The following NEURL1 variants were observed in gnomAD, a reference collection of about 807,000 sequenced individuals.
NEURL1 encodes E3 ubiquitin-protein ligase NEURL1.
NEURL1 carries 26 observed loss-of-function variants against 41.2 expected under a neutral mutation model. The ratio of observed to expected loss-of-function variants is 0.63; its 90% CI spans 0.46 to 0.87. The LOEUF (loss-of-function observed/expected upper bound fraction) is 0.87, where lower values mean the gene tolerates loss of function less well. NEURL1 is among the 40% of genes least tolerant of loss of function. NEURL1 has a pLI of 0.00. For missense variants in NEURL1, 761 were observed against 871.1 expected (o/e 0.87, Z 1.59); for synonymous variants, 400 against 402.3 (o/e 0.99, Z 0.07).
At chr10:103,555,426 G>T (rs1421178732) in intron 1 of NEURL1, 1 of 1,355,608 alleles carries the variant, frequency 7.4e-7, no homozygotes, top group Non-Finnish European at 9.8e-7. Context: ...AAGGCCCCGC[G>T]GATGCCTGCG....
chr10:103,550,157 T>C (rs2035004152), intron 1 of NEURL1, among the ~76,000 whole-genome samples: 1 of 152,204 alleles, frequency 6.6e-6, no homozygotes, highest in Non-Finnish European at 1.5e-5. Context: ...AATGAGGTGC[T>C]AGGCCTTGGG....
At chr10:103,496,365 A>T (rs1222852134) in intron 1 of NEURL1, among the ~76,000 whole-genome samples, 2 of 152,252 alleles carry the variant, frequency 1.3e-5, no homozygotes, top group African/African-American at 4.8e-5. Flanking sequence ...CAGTATAACG[A>T]CAGAATACAA....
chr10:103,574,111 G>A (rs2035606333), intron 3 of NEURL1, among the ~76,000 whole-genome samples: 1 of 152,148 alleles, frequency 6.6e-6, no homozygotes, highest in African/African-American at 2.4e-5. Context: ...GCAGGGTGGG[G>A]GACGAATGGG....
intron 4 of NEURL1, among the ~76,000 whole-genome samples, 200 bp from the exon 5 acceptor site, chr10:103,589,314 G>A (rs1055298139): frequency 6.6e-6 from 1 of 152,192 alleles, no homozygotes; most frequent in Non-Finnish European, 1.5e-5. Context: ...GTGCTGTCTG[G>A]GGTCAAAGTC....
At chr10:103,539,282 A>G (rs1302283952) in intron 1 of NEURL1, among the ~76,000 whole-genome samples, 3 of 152,110 alleles carry the variant, frequency 2.0e-5, no homozygotes, top group Non-Finnish European at 4.4e-5. Context: ...TGCCAGTTAT[A>G]TATTTACTTT....
chr10:103,506,969 A>G (rs2133847300), intron 1 of NEURL1, among the ~76,000 whole-genome samples: 1 of 152,286 alleles, frequency 6.6e-6, no homozygotes, highest in Middle Eastern at 3.4e-3. Context: ...CACAGGCACA[A>G]AGTCAGGCCT....
intron 1 of NEURL1, among the ~76,000 whole-genome samples, chr10:103,535,716 G>A (rs2034677251): frequency 6.6e-6 from 1 of 152,164 alleles, no homozygotes; most frequent in Non-Finnish European, 1.5e-5. Flanking sequence ...GCCCAAGGGG[G>A]CAGAAGGAGG....
At position 103,496,625 on chromosome 10, in the gene NEURL1, A is replaced by G. The variant is rs183249634; in HGVS notation, c.85+2153A>G. Among the ~76,000 whole-genome samples, 8 of 152,320 alleles carry G rather than the reference A, an allele frequency of 5.3e-5. No individual in the cohort carries two copies. The East Asian group carries it at 1.5e-3, about 29-fold the overall frequency. On this transcript the variant is annotated intron_variant, in intron 1 of 5. Transcript: ENST00000369780. ...GCTATCAGTGTTAGCAAGTATGAAGACTGTTTCTGAGCATTGGAAACAGAT... is the reference window on the plus strand; with the variant it reads ...GCTATCAGTGTTAGCAAGTATGAAGGCTGTTTCTGAGCATTGGAAACAGAT...
rs78573195 is a variant in NEURL1, at chr10:103,504,559, G to T, written c.85+10087G>T. Among the ~76,000 whole-genome samples the T allele has an allele frequency of 5.9e-3, 902 of 152,268 alleles. 4 individuals carry two copies. Among genetic ancestry groups the T allele is most frequent in the Middle Eastern group, 0.014 (4 of 294 alleles). ...ATTGCTGTTGATGTTGACCTTGAGCGCCTGGCTGAGGGAGTGCTTGTCAGG... is the reference window on the plus strand; with the variant it reads ...ATTGCTGTTGATGTTGACCTTGAGCTCCTGGCTGAGGGAGTGCTTGTCAGG... On this transcript the variant is annotated intron_variant, in intron 1 of 5. Transcript: ENST00000369780.
intron 1 of NEURL1, among the ~76,000 whole-genome samples, chr10:103,527,990 T>C (rs2034495760): frequency 6.6e-6 from 1 of 152,044 alleles, no homozygotes; most frequent in Non-Finnish European, 1.5e-5. Flanking sequence ...GAGGCCGAGG[T>C]GGACCAATCA....
At chr10:103,559,144 A>C (rs2035226870) in intron 1 of NEURL1, among the ~76,000 whole-genome samples, 1 of 152,172 alleles carries the variant, frequency 6.6e-6, no homozygotes, top group South Asian at 2.1e-4. Context: ...TTAATCCTCA[A>C]GCAGGCAGCA....
At chr10:103,523,313 A>G (rs984952419) in intron 1 of NEURL1, among the ~76,000 whole-genome samples, 21 of 152,038 alleles carry the variant, frequency 1.4e-4, no homozygotes, top group African/African-American at 4.8e-4. Context: ...AAAAATTGCC[A>G]GGAAGGTTGG....
intron 3 of NEURL1, among the ~76,000 whole-genome samples, chr10:103,574,415 T>C (rs934287595): frequency 6.6e-6 from 1 of 152,212 alleles, no homozygotes; most frequent in African/African-American, 2.4e-5. Context: ...GGGAGATAAC[T>C]GAGGCCCACG....
At chr10:103,587,159 T>C (rs1056223768) in intron 4 of NEURL1, among the ~76,000 whole-genome samples, 1 of 151,946 alleles carries the variant, frequency 6.6e-6, no homozygotes, top group Admixed American at 6.6e-5. Context: ...GAAATTAGGC[T>C]GGGATGCAAA....
rs771284151 is a variant in NEURL1 at position 103,584,673 on chromosome 10, G to T, written c.787G>T (p.Asp263Tyr). 2 of 1,428,662 alleles carry T rather than the reference G, an allele frequency of 1.4e-6. No individual in the cohort carries two copies. Among genetic ancestry groups the T allele is most frequent in the Non-Finnish European group, 1.8e-6 (2 of 1,097,448 alleles). 88.5% of individuals were successfully genotyped at this position (1,428,662 alleles called of 1,614,324 possible). Residue 263 changes from aspartate to tyrosine, a missense_variant, in exon 4 of 6, where the codon GAC becomes TAC. By Grantham distance (160) the Asp-to-Tyr change is radical. Transcript: ENST00000369780. ...CDLNVPGADGDEAAPAAGCPI... is the reference protein window; with the variant it reads ...CDLNVPGADGYEAAPAAGCPI... ...CCTCAACGTGCCGGGCGCGGACGGC[G>T]ACGAGGCCGCGCCGGCCGCCGGCTG...
chr10:103,535,282 G>A (rs557287506), intron 1 of NEURL1, among the ~76,000 whole-genome samples: 2 of 152,128 alleles, frequency 1.3e-5, no homozygotes, highest in Admixed American at 1.3e-4. Context: ...ACTCTAGAGG[G>A]CTAGCCCAGC....
At chr10:103,494,504 C>T in intron 1 of NEURL1, 32 bp downstream of exon 1, 4 of 1,515,818 alleles carry the variant, frequency 2.6e-6, no homozygotes, top group Middle Eastern at 1.7e-4. Context: ...TGCTGGAGGA[C>T]TGGGGCGCAG....
intron 1 of NEURL1, among the ~76,000 whole-genome samples, chr10:103,548,844 G>A (rs1029435030): frequency 3.9e-5 from 6 of 152,312 alleles, no homozygotes; most frequent in African/African-American, 1.4e-4. Flanking sequence ...AAGAGATGGT[G>A]GAGCCTCAGA....
At chr10:103,531,706 G>A (rs1008989107) in intron 1 of NEURL1, among the ~76,000 whole-genome samples, 9 of 150,778 alleles carry the variant, frequency 6.0e-5, no homozygotes, top group Non-Finnish European at 1.2e-4. Flanking sequence ...TTTTAGTAGA[G>A]ATGAAGTCTC....
Sources: gnomAD v4.1 joint callset for allele counts (sites outside exome capture counted in the v4.1 genomes callset) on GRCh38, gnomAD v4.1.1 for gene constraint, MANE v1.5 for transcripts, NCBI Gene and HGNC (gene_info 2026-07-23, HGNC 2026-07-21) for gene names.